Variants in FZR1 observed in about 807,000 individuals in gnomAD.
The protein encoded by FZR1 is fizzy and cell division cycle 20 related 1.
FZR1 carries 11 observed loss-of-function variants against 63.6 expected under a neutral mutation model. The ratio of observed to expected loss-of-function variants is 0.17; its 90% CI spans 0.11 to 0.29. FZR1 has a LOEUF of 0.29. Ranked by LOEUF, FZR1 falls within the 10% of genes least tolerant of loss-of-function variation. The probability of loss-of-function intolerance (pLI) is 1.00; values close to 1 mark genes in which losing one functional copy is unlikely to be tolerated. For synonymous variants in FZR1, 328 were observed against 297.9 expected (o/e 1.10, Z -1.04); for missense variants, 440 against 687.5 (o/e 0.64, Z 4.03).
chr19:3,527,141 G>A (rs942014697), intron 6 of FZR1, 79 bp downstream of exon 6: 22 of 1,160,294 alleles, frequency 1.9e-5, no homozygotes, highest in South Asian at 4.9e-5. Flanking sequence ...AGCTTCCTCC[G>A]CAGCCCTGTC....
chr19:3,508,635 G>A (rs750915956), intron 1 of FZR1, among the ~76,000 whole-genome samples: 83 of 152,328 alleles, frequency 5.4e-4, no homozygotes, highest in Middle Eastern at 3.4e-3. Context: ...TTAGAGGGGA[G>A]AGGATGGAAA....
intron 2 of FZR1, among the ~76,000 whole-genome samples, chr19:3,524,626 G>A (rs955679771): frequency 6.6e-6 from 1 of 152,156 alleles, no homozygotes; most frequent in Admixed American, 6.5e-5. Flanking sequence ...CGGGGCCCAC[G>A]CAGCACTCGC....
intron 7 of FZR1, among the ~76,000 whole-genome samples, 191 bp from the exon 8 acceptor site, chr19:3,530,601 A>AG (rs2083237061): frequency 7.4e-6 from 1 of 135,884 alleles, no homozygotes; most frequent in Non-Finnish European, 1.6e-5. Context: ...AGAGTGGTTG[A>AG]GGGAGTGGAT....
In FZR1 at chr19:3,519,406, C is replaced by T. The variant is rs142262812; in HGVS notation, c.-34-3550C>T. On this transcript the variant is annotated intron_variant, in intron 1 of 13. Coordinates refer to ENST00000441788, the MANE Select transcript of FZR1 (RefSeq NM_016263.4). ...TGCTGGGCGACCTGCATGGAGCCGACGGTGGTGGCTGATCTACCCCAAGGA... is the reference window on the plus strand; with the variant it reads ...TGCTGGGCGACCTGCATGGAGCCGATGGTGGTGGCTGATCTACCCCAAGGA... Among the ~76,000 whole-genome samples, 31 of 152,314 alleles carry T rather than the reference C, an allele frequency of 2.0e-4. No individual in the cohort carries two copies. In the East Asian group the frequency reaches 3.1e-3, roughly 15 times the overall value.
chr19:3,517,187 C>G (rs1458168650), intron 1 of FZR1, among the ~76,000 whole-genome samples: 1 of 151,848 alleles, frequency 6.6e-6, no homozygotes, highest in African/African-American at 2.4e-5. Flanking sequence ...CCCAGAAGTT[C>G]GAGACCAGCC....
In FZR1 at chr19:3,535,135, C is replaced by G; in HGVS notation, c.*299C>G. ...CTCAGACCGTCTGTACTCAGAGCGA[C>G]GGATGCCCCCTGGGACCCTCACTGC... On this transcript the variant is annotated 3_prime_UTR_variant, in exon 14 of 14. Transcript: ENST00000441788. 6.5e-6 allele frequency: 3 copies of G among 465,056 alleles called. No homozygotes were observed. Among genetic ancestry groups the G allele is most frequent in the African/African-American group, 2.0e-5 (1 of 50,912 alleles). The allele number at this position is 465,056 out of a possible 1,614,324, so 28.8% of individuals were successfully genotyped here.
intron 2 of FZR1, among the ~76,000 whole-genome samples, chr19:3,523,935 C>T (rs2083127279): frequency 1.3e-5 from 2 of 152,246 alleles, no homozygotes; most frequent in African/African-American, 2.4e-5. Flanking sequence ...CAGCCGCCTT[C>T]TCCCCCTGTG....
At chr19:3,513,891 C>T (rs1161949923) in intron 1 of FZR1, among the ~76,000 whole-genome samples, 1 of 152,152 alleles carries the variant, frequency 6.6e-6, no homozygotes, top group East Asian at 1.9e-4. Flanking sequence ...TAGTCAGCCT[C>T]AACACATGAG....
chr19:3,533,688 A>G lies in FZR1; in HGVS notation c.1347+290A>G. ...TAAAGAGGGGTGAAGAGGAAAGCCAAAACCAACTCACAGCTGACCACTCAG... is the reference window on the plus strand; with the variant it reads ...TAAAGAGGGGTGAAGAGGAAAGCCAGAACCAACTCACAGCTGACCACTCAG... On this transcript the variant is annotated intron_variant, in intron 12 of 13. Transcript: ENST00000441788. The surrounding 1 kb of genome is among the most constrained non-coding windows in gnomAD (Gnocchi z 4.9). 2.5e-6 allele frequency: 1 copy of G among 396,362 alleles called. No homozygotes were observed. The highest frequency in any genetic ancestry group is 4.6e-6 in the Non-Finnish European group (1 of 215,636). The allele number at this position is 396,362 out of a possible 1,614,324, so 24.6% of individuals were successfully genotyped here.
chr19:3,508,259 C>A (rs1387968416), intron 1 of FZR1, among the ~76,000 whole-genome samples: 2 of 142,960 alleles, frequency 1.4e-5, no homozygotes, highest in African/African-American at 5.3e-5. Context: ...TCCAGTGGCG[C>A]GATCTCGGCT....
intron 1 of FZR1, among the ~76,000 whole-genome samples, chr19:3,511,672 T>TCGGCTGGCAGGTGG (rs1324467351): frequency 6.6e-6 from 1 of 151,982 alleles, no homozygotes; most frequent in African/African-American, 2.4e-5. Flanking sequence ...TGGGGAGGCG[T>TCGGCTGGCAGGTGG]CGGCTGGCAG....
intron 1 of FZR1, among the ~76,000 whole-genome samples, chr19:3,520,388 C>G (rs553547950): frequency 6.6e-6 from 1 of 152,272 alleles, no homozygotes; most frequent in Non-Finnish European, 1.5e-5. Flanking sequence ...CGTGGGCCAC[C>G]CTTTGGGCCC....
At chr19:3,521,983 A>G (rs2083106356) in intron 1 of FZR1, among the ~76,000 whole-genome samples, 1 of 151,904 alleles carries the variant, frequency 6.6e-6, no homozygotes, top group South Asian at 2.1e-4. Context: ...CAGCCTCCCA[A>G]GTAGCTGGGA....
chr19:3,518,285 G>C (rs1017133586), intron 1 of FZR1, among the ~76,000 whole-genome samples: 9 of 152,116 alleles, frequency 5.9e-5, no homozygotes, highest in Non-Finnish European at 1.0e-4. Flanking sequence ...CAGTGCCTCT[G>C]TTTGTATTTT....
At chr19:3,523,261 CT>C (rs2083120703) in intron 2 of FZR1, among the ~76,000 whole-genome samples, 2 of 152,226 alleles carry the variant, frequency 1.3e-5, no homozygotes, top group South Asian at 4.1e-4. Context: ...CCCAGCGGGG[CT>C]TGGATGGATG....
At position 3,527,643 on chromosome 19, in the gene FZR1, C is replaced by T; in HGVS notation, c.483C>T (p.Leu161=). 1 of 1,608,274 alleles carries T rather than the reference C, an allele frequency of 6.2e-7. No homozygotes were observed. The highest frequency in any genetic ancestry group is 8.5e-7 in the Non-Finnish European group (1 of 1,178,684). ...SPVSNKSQKL[L]RSPRKPTRKI... ...GCCGCCTCTGCAGCCAGAAGCTGCTCCGGTCCCCCCGGAAACCCACCCGCA... is the reference window on the plus strand; with the variant it reads ...GCCGCCTCTGCAGCCAGAAGCTGCTTCGGTCCCCCCGGAAACCCACCCGCA... The change falls in exon 7 of 14, where the codon CTC becomes CTT. Residue 161 remains leucine (L), a synonymous_variant. Transcript: ENST00000441788.
In FZR1 at chr19:3,525,457, T is replaced by C. The variant is rs1254895796; in HGVS notation, c.70-411T>C. 1.4e-5 allele frequency among the ~76,000 whole-genome samples: 2 copies of C among 145,502 alleles called. No individual in the cohort carries two copies. Among genetic ancestry groups the C allele is most frequent in the Non-Finnish European group, 3.0e-5 (2 of 66,380 alleles). On this transcript the variant is annotated intron_variant, in intron 2 of 13. Coordinates refer to ENST00000441788, the MANE Select transcript of FZR1 (RefSeq NM_016263.4). This position sits in a 1 kb window ranked among gnomAD's most constrained non-coding sequence, Gnocchi z 4.2. ...CTTTTTTTTTTTTTTTTTTTTTTTT[T>C]TTTGAGACGGAGTCTCGCTCTGTCG... is the stretch of plus-strand genomic sequence containing the variant.
chr19:3,533,330 G>C lies in FZR1; in HGVS notation c.1279G>C (p.Val427Leu). 6.2e-7 allele frequency: 1 copy of C among 1,612,978 alleles called. No individual in the cohort carries two copies. The highest frequency in any genetic ancestry group is 8.5e-7 in the Non-Finnish European group (1 of 1,179,724). Residue 427 changes from valine to leucine, a missense_variant, in exon 12 of 14, where the codon GTC becomes CTC. Val to Leu is a conservative substitution (Grantham distance 32). Around this residue, in one of 5 missense-constraint regions of FZR1, gnomAD observed 208 missense variants for 363.6 expected, o/e 0.57. Transcript: ENST00000441788. The surrounding 1 kb of genome is among the most constrained non-coding windows in gnomAD (Gnocchi z 4.9). Reference sequence around the variant, plus strand: ...CGGCTACTCACAGAACCAGATCCTTGTCTGGAAGTACCCCTCCCTGACCCA... The same window carrying C: ...CGGCTACTCACAGAACCAGATCCTTCTCTGGAAGTACCCCTCCCTGACCCA... ...THGYSQNQILVWKYPSLTQVA... is the reference protein window; with the variant it reads ...THGYSQNQILLWKYPSLTQVA...
chr19:3,530,350 AGAAGGGAGAGCG>A (rs1157159326), intron 7 of FZR1, among the ~76,000 whole-genome samples: 1 of 69,618 alleles, frequency 1.4e-5, no homozygotes, highest in Non-Finnish European at 2.8e-5. Flanking sequence ...ATGGTTGAGC[AGAAGGGAGAGCG>A]GATGGGAGAG....
Sources: allele counts gnomAD v4.1 joint callset (sites outside exome capture counted in the v4.1 genomes callset), GRCh38; gene constraint gnomAD v4.1.1; regional missense constraint gnomAD v4.1.1; non-coding constraint Gnocchi (gnomAD v3.1); transcripts MANE v1.5; gene names NCBI Gene and HGNC (gene_info 2026-07-23, HGNC 2026-07-21).